ANKFN1: variants seen among roughly 807,000 people sequenced by gnomAD.
ANKFN1 encodes the protein ankyrin repeat and fibronectin type-III domain-containing protein 1.
In ANKFN1, 74 loss-of-function variants were observed where a neutral mutation model predicts 108.7. The ratio of observed to expected loss-of-function variants is 0.68; its 90% CI spans 0.56 to 0.83. The LOEUF (loss-of-function observed/expected upper bound fraction) is 0.83. Ranked by LOEUF, ANKFN1 falls within the 40% of genes least tolerant of loss-of-function variation. The pLI, the probability that ANKFN1 is intolerant of heterozygous loss-of-function variation, is 0.00. For missense variants in ANKFN1, 1,505 were observed against 1,382.3 expected (o/e 1.09, Z -1.41); for synonymous variants, 547 against 516.2 (o/e 1.06, Z -0.81).
intron 4 of ANKFN1, among the ~76,000 whole-genome samples, chr17:56,328,297 A>G (rs962551800): frequency 6.6e-6 from 1 of 152,166 alleles, no homozygotes; most frequent in African/African-American, 2.4e-5. Flanking sequence ...CTGCAAATGT[A>G]CTATGATTTG....
At chr17:56,310,761 T>TGA in intron 3 of ANKFN1, among the ~76,000 whole-genome samples, 1 of 152,102 alleles carries the variant, frequency 6.6e-6, no homozygotes. Flanking sequence ...TGTGTGTGTG[T>TGA]GTGTGTGTGT....
intron 1 of ANKFN1, among the ~76,000 whole-genome samples, chr17:56,158,373 A>C (rs574004361): frequency 5.9e-5 from 9 of 152,358 alleles, no homozygotes; most frequent in Non-Finnish European, 1.3e-4. Flanking sequence ...CTTAGCCTCC[A>C]CAATGATTCC....
intron 3 of ANKFN1, among the ~76,000 whole-genome samples, chr17:56,304,231 T>G (rs2044753520): frequency 6.6e-6 from 1 of 152,200 alleles, no homozygotes. Flanking sequence ...ATTTCAAAAA[T>G]GTTATATAGA....
Position 56,414,335 on chromosome 17 carries a change from A to T in ANKFN1, c.911-25992A>T, listed in dbSNP as rs557011804. Among the ~76,000 whole-genome samples the T allele has an allele frequency of 3.3e-4, 51 of 152,304 alleles. No homozygotes were observed. The South Asian group carries it at 0.011, about 32-fold the overall frequency. On this transcript the variant is annotated intron_variant, in intron 8 of 20. Coordinates refer to ENST00000682825, the MANE Select transcript of ANKFN1 (RefSeq NM_001370326.1). ...AAGAACAAATACAAAGCATACTCAA[A>T]CTATTCCAAAAAATACAGGAGGATG...
intron 4 of ANKFN1, among the ~76,000 whole-genome samples, chr17:56,086,767 G>A (rs1465163222): frequency 6.6e-6 from 1 of 151,368 alleles, no homozygotes; most frequent in East Asian, 1.9e-4. Flanking sequence ...GAGACCGGCA[G>A]TAGATGACTG....
chr17:56,062,950 G>C (rs1401819515), intron 4 of ANKFN1, among the ~76,000 whole-genome samples: 2 of 152,116 alleles, frequency 1.3e-5, no homozygotes, highest in Admixed American at 1.3e-4. Flanking sequence ...GCATTTGCTT[G>C]TCTGGAAAGA....
At chr17:56,075,103 A>G (rs761169885) in intron 4 of ANKFN1, among the ~76,000 whole-genome samples, 1 of 152,196 alleles carries the variant, frequency 6.6e-6, no homozygotes, top group Non-Finnish European at 1.5e-5. Flanking sequence ...CAAGCCCAGT[A>G]CTATTGCTGC....
chr17:56,053,277 G>T (rs1026967136), intron 4 of ANKFN1, among the ~76,000 whole-genome samples: 2 of 152,102 alleles, frequency 1.3e-5, no homozygotes, highest in East Asian at 1.9e-4. Context: ...ATCACCTCAT[G>T]CCTTTATCCC....
chr17:56,126,412 C>A (rs898590503), intron 4 of ANKFN1, among the ~76,000 whole-genome samples: 1 of 152,044 alleles, frequency 6.6e-6, no homozygotes, highest in Non-Finnish European at 1.5e-5. Flanking sequence ...ACACAATTAT[C>A]CCAGAAAAAT....
At chr17:56,312,486 A>G (rs576796913) in intron 3 of ANKFN1, among the ~76,000 whole-genome samples, 7 of 151,976 alleles carry the variant, frequency 4.6e-5, no homozygotes, top group East Asian at 1.9e-4. Context: ...AATCCCTAAC[A>G]TAGGTACTTC....
At chr17:56,066,404 G>A (rs1467907531) in intron 4 of ANKFN1, among the ~76,000 whole-genome samples, 1 of 152,182 alleles carries the variant, frequency 6.6e-6, no homozygotes, top group African/African-American at 2.4e-5. Flanking sequence ...AGTCCAAATT[G>A]AGATGTGCTA....
At chr17:56,380,806 C>G (rs775683195) in intron 8 of ANKFN1, among the ~76,000 whole-genome samples, 1 of 152,236 alleles carries the variant, frequency 6.6e-6, no homozygotes, top group Non-Finnish European at 1.5e-5. Context: ...GTGGAGCCCA[C>G]CACAGCTCAA....
chr17:56,264,514 C>T (rs1340497754), intron 3 of ANKFN1, among the ~76,000 whole-genome samples: 1 of 152,158 alleles, frequency 6.6e-6, no homozygotes, highest in Non-Finnish European at 1.5e-5. Flanking sequence ...CACTCTCTTT[C>T]CCTCCTTTTC....
At chr17:56,082,824 A>ATT (rs1377108729) in intron 4 of ANKFN1, among the ~76,000 whole-genome samples, 1 of 151,686 alleles carries the variant, frequency 6.6e-6, no homozygotes, top group African/African-American at 2.4e-5. Context: ...ACTTGGTCCA[A>ATT]TGGAGGACAA....
intron 1 of ANKFN1, among the ~76,000 whole-genome samples, chr17:56,163,106 C>G (rs1158018873): frequency 2.0e-5 from 3 of 151,980 alleles, no homozygotes; most frequent in Non-Finnish European, 4.4e-5. Context: ...ATTTAACATT[C>G]CAAACTTGCT....
chr17:56,448,207 C>G (rs2049359360), intron 10 of ANKFN1, among the ~76,000 whole-genome samples: 1 of 151,486 alleles, frequency 6.6e-6, no homozygotes, highest in South Asian at 2.1e-4. Flanking sequence ...CTGTTTTTTC[C>G]TCCAGAAAGG....
At chr17:56,100,723 T>C (rs1905629704) in intron 4 of ANKFN1, among the ~76,000 whole-genome samples, 1 of 152,226 alleles carries the variant, frequency 6.6e-6, no homozygotes, top group Non-Finnish European at 1.5e-5. Flanking sequence ...GCTTTCCAGC[T>C]GAAGCCTTAG....
intron 4 of ANKFN1, among the ~76,000 whole-genome samples, chr17:56,339,537 T>C (rs139159110): frequency 1.8e-4 from 28 of 152,298 alleles, no homozygotes; most frequent in Admixed American, 1.8e-3. Flanking sequence ...AGCTCTCACT[T>C]ATAAGTGACA....
At chr17:56,480,256 C>G (rs968285015) in intron 16 of ANKFN1, among the ~76,000 whole-genome samples, 2 of 152,152 alleles carry the variant, frequency 1.3e-5, no homozygotes, top group African/African-American at 4.8e-5. Flanking sequence ...GGTTTGTTGG[C>G]TGAGTTGGAC....
Sources: gnomAD v4.1 joint callset for allele counts (sites outside exome capture counted in the v4.1 genomes callset) on GRCh38, gnomAD v4.1.1 for gene constraint, MANE v1.5 for transcripts, NCBI Gene and HGNC (gene_info 2026-07-23, HGNC 2026-07-21) for gene names.